The following PDE11A variants were observed in gnomAD, a reference collection of about 807,000 sequenced individuals.
PDE11A encodes dual 3',5'-cyclic-AMP and -GMP phosphodiesterase 11A.
A neutral mutation model predicts 100.5 loss-of-function variants in PDE11A; 100 were observed. That is an observed-to-expected ratio of 1.00 (90% CI 0.85 to 1.18). The LOEUF (loss-of-function observed/expected upper bound fraction) is 1.18, where lower values mean the gene tolerates loss of function less well. Ranked by LOEUF, PDE11A falls within the 50% of genes most tolerant of loss-of-function variation. PDE11A has a pLI of 0.00. For missense variants in PDE11A, 1,141 were observed against 1,152.6 expected, an observed-to-expected ratio of 0.99 and a Z score of 0.15; for synonymous variants, 381 against 420.8, an observed-to-expected ratio of 0.91 and a Z score of 1.16.
intron 18 of PDE11A, among the ~76,000 whole-genome samples, chr2:177,665,199 C>T (rs6433684): frequency 0.7 from 106,197 of 151,630 alleles, 37,871 homozygotes; most frequent in Admixed American, 0.79. Flanking sequence ...GAGCTGGCTG[C>T]GGTGGCTCAT....
chr2:177,701,068 A>C, intron 14 of PDE11A, 53 bp downstream of exon 14: 1 of 969,844 alleles, frequency 1.0e-6, no homozygotes, highest in East Asian at 2.4e-5. Flanking sequence ...GGGAGGAAAC[A>C]AAGAGTTGTT....
intron 19 of PDE11A, among the ~76,000 whole-genome samples, chr2:177,658,830 C>T (rs2080431113): frequency 1.3e-5 from 2 of 151,602 alleles, no homozygotes; most frequent in Non-Finnish European, 2.9e-5. Context: ...CACCTTATAT[C>T]CTCTTTTCTA....
chr2:177,697,323 A>G lies in PDE11A; in HGVS notation c.2345+9T>C. The G allele has an allele frequency of 7.3e-7, 1 of 1,376,022 alleles. No individual in the cohort carries two copies. The highest frequency in any genetic ancestry group is 1.0e-6 in the Non-Finnish European group (1 of 962,790). 85.2% of individuals were successfully genotyped at this position (1,376,022 alleles called of 1,614,324 possible). A position where few individuals can be genotyped will look rare whatever the true frequency, so the allele number is the denominator to read the frequency against. Reference sequence around the variant, plus strand: ...CCATTTGTCAAACAGATCAAATGCCAATACCTACTCAAAGTACAGCGTGAG... The same window carrying G: ...CCATTTGTCAAACAGATCAAATGCCGATACCTACTCAAAGTACAGCGTGAG... On this transcript the variant is annotated intron_variant, in intron 15 of 19. Coordinates refer to ENST00000286063, the MANE Select transcript of PDE11A (RefSeq NM_016953.4).
At chr2:178,064,869 A>AT (rs767640500) in intron 1 of PDE11A, among the ~76,000 whole-genome samples, 3 of 151,868 alleles carry the variant, frequency 2.0e-5, no homozygotes, top group Non-Finnish European at 2.9e-5. Flanking sequence ...GGAAAAAAAG[A>AT]TTTTTTCTCC....
At chr2:177,984,391 A>G (rs1019335224) in intron 2 of PDE11A, among the ~76,000 whole-genome samples, 1 of 152,248 alleles carries the variant, frequency 6.6e-6, no homozygotes, top group Non-Finnish European at 1.5e-5. Context: ...AATGGCATAC[A>G]TATACTTTTA....
At chr2:177,711,684 A>T in intron 13 of PDE11A, 85 bp downstream of exon 13, 2 of 809,658 alleles carry the variant, frequency 2.5e-6, no homozygotes, top group Non-Finnish European at 4.3e-6. Context: ...GCCAGAAATT[A>T]ATGCTTTACT....
At chr2:177,913,890 A>G (rs1200767644) in intron 2 of PDE11A, among the ~76,000 whole-genome samples, 1 of 152,106 alleles carries the variant, frequency 6.6e-6, no homozygotes, top group Non-Finnish European at 1.5e-5. Context: ...ACAGTTTCCT[A>G]AAAGTGGAAT....
At chr2:178,021,596 T>G (rs1247696377) in intron 1 of PDE11A, among the ~76,000 whole-genome samples, 2 of 152,102 alleles carry the variant, frequency 1.3e-5, no homozygotes, top group South Asian at 4.1e-4. Context: ...AGTTTAATAA[T>G]AGATGAAATT....
At chr2:178,082,498 G>A (rs1421828050) in intron 2 of PDE11A, among the ~76,000 whole-genome samples, 1 of 152,126 alleles carries the variant, frequency 6.6e-6, no homozygotes, top group Admixed American at 6.5e-5. Flanking sequence ...ATGCTGGGAA[G>A]CATAGTCTCC....
intron 10 of PDE11A, among the ~76,000 whole-genome samples, chr2:177,736,090 A>G (rs1301158886): frequency 6.6e-6 from 1 of 152,190 alleles, no homozygotes; most frequent in Non-Finnish European, 1.5e-5. Context: ...CTCCAGGGAA[A>G]AGGAATTTGT....
intron 2 of PDE11A, among the ~76,000 whole-genome samples, chr2:177,957,910 C>CTTT (rs748839068): frequency 3.5e-5 from 4 of 114,466 alleles, no homozygotes; most frequent in African/African-American, 1.2e-4. Flanking sequence ...TTTCCAATGC[C>CTTT]TTTTTTTTGA....
chr2:177,823,770 G>C, intron 6 of PDE11A, among the ~76,000 whole-genome samples: 1 of 152,282 alleles, frequency 6.6e-6, no homozygotes, highest in East Asian at 1.9e-4. Flanking sequence ...GCTAGCCACA[G>C]CAGCACTAGG....
intron 2 of PDE11A, among the ~76,000 whole-genome samples, chr2:177,998,996 T>A (rs1170711708): frequency 6.6e-6 from 1 of 152,198 alleles, no homozygotes; most frequent in African/African-American, 2.4e-5. Context: ...TTCAGTCTCA[T>A]AGAGACAATA....
At chr2:177,843,525 C>G (rs148492090) in intron 5 of PDE11A, among the ~76,000 whole-genome samples, 1 of 152,102 alleles carries the variant, frequency 6.6e-6, no homozygotes, top group Admixed American at 6.5e-5. Flanking sequence ...AAAGAAGATA[C>G]GATGACAAAA....
chr2:177,805,856 A>G (rs1202512586), intron 9 of PDE11A, among the ~76,000 whole-genome samples: 1 of 152,188 alleles, frequency 6.6e-6, no homozygotes, highest in Non-Finnish European at 1.5e-5. Flanking sequence ...GAGACAAAGC[A>G]AAAATCATAC....
At chr2:177,631,621 ATG>A (rs566438120) in intron 19 of PDE11A, among the ~76,000 whole-genome samples, 1,362 of 128,128 alleles carry the variant, frequency 0.011, 80 homozygotes, top group African/African-American at 0.041. Flanking sequence ...ATATACATAT[ATG>A]TGTGTGTATA....
At chr2:177,782,704 A>C (rs2082470762) in intron 9 of PDE11A, among the ~76,000 whole-genome samples, 1 of 152,174 alleles carries the variant, frequency 6.6e-6, no homozygotes, top group Non-Finnish European at 1.5e-5. Context: ...TCAAGAATTC[A>C]TAAATTTAGT....
At chr2:178,066,230 A>T (rs904202759) in intron 1 of PDE11A, among the ~76,000 whole-genome samples, 2 of 152,166 alleles carry the variant, frequency 1.3e-5, no homozygotes, top group East Asian at 3.9e-4. Context: ...CTGAGGCCAC[A>T]TGAAGGGCTG....
chr2:177,956,384 G>A (rs905045831), intron 2 of PDE11A, among the ~76,000 whole-genome samples: 2 of 152,110 alleles, frequency 1.3e-5, no homozygotes, highest in African/African-American at 4.8e-5. Flanking sequence ...CAGTTAGAAT[G>A]GCAATCATTA....
Sources: gnomAD v4.1 joint callset for allele counts (sites outside exome capture counted in the v4.1 genomes callset) on GRCh38, gnomAD v4.1.1 for gene constraint, MANE v1.5 for transcripts, NCBI Gene and HGNC (gene_info 2026-07-23, HGNC 2026-07-21) for gene names.